The following TMEM123 variants were observed in gnomAD, a reference collection of about 807,000 sequenced individuals.
TMEM123 encodes the protein transmembrane protein 123.
TMEM123 carries 16 observed loss-of-function variants against 19.7 expected under a neutral mutation model. That is an observed-to-expected ratio of 0.81 (90% CI 0.55 to 1.23). The LOEUF (loss-of-function observed/expected upper bound fraction) is 1.23, where lower values mean the gene tolerates loss of function less well. Ranked by LOEUF, TMEM123 falls within the 50% of genes most tolerant of loss-of-function variation. TMEM123 has a pLI of 0.00. For synonymous variants in TMEM123, 118 were observed against 99.4 expected, an observed-to-expected ratio of 1.19 and a Z score of -1.12; for missense variants, 313 against 257.8, an observed-to-expected ratio of 1.21 and a Z score of -1.47.
intron 2 of TMEM123, among the ~76,000 whole-genome samples, chr11:102,408,874 T>C (rs999050682): frequency 1.3e-5 from 2 of 152,208 alleles, no homozygotes; most frequent in African/African-American, 4.8e-5. Flanking sequence ...ACAGCCACCA[T>C]ATTGCAACAA....
At position 102,452,536 on chromosome 11, in the gene TMEM123, C is replaced by T; in HGVS notation, c.88G>A (p.Ala30Thr). The stretch of plus-strand genomic sequence containing the variant: ...CGCAGCCACTTACCCGCCATGGCTG[C>T]GCTTTCATGGGCGGCCCCCAGCAGC... ...LALLGAAHES[A>T]AMAASANIEN... Residue 30 changes from alanine (A) to threonine (T), a missense_variant, in exon 1 of 5, where the codon GCA (alanine) becomes ACA (threonine). By Grantham distance (58) the Ala-to-Thr change is moderately conservative (BLOSUM62 0). Transcript: ENST00000398136. 6.4e-7 allele frequency: 1 copy of T among 1,555,206 alleles called. No homozygotes were observed. Among genetic ancestry groups the T allele is most frequent in the Non-Finnish European group, 8.7e-7 (1 of 1,154,640 alleles).
At chr11:102,437,304 C>T (rs1305784912) in intron 2 of TMEM123, among the ~76,000 whole-genome samples, 3 of 151,902 alleles carry the variant, frequency 2.0e-5, no homozygotes, top group Non-Finnish European at 4.4e-5. Flanking sequence ...CCTTAAAATA[C>T]AAAAATTAGC....
At chr11:102,451,665 CAG>C (rs1857941136) in intron 1 of TMEM123, among the ~76,000 whole-genome samples, 2 of 152,230 alleles carry the variant, frequency 1.3e-5, no homozygotes, top group Admixed American at 1.3e-4. Flanking sequence ...CAAAGGAAAA[CAG>C]TATTTACACA....
intron 2 of TMEM123, among the ~76,000 whole-genome samples, chr11:102,420,367 C>A (rs1591558720): frequency 1.3e-5 from 2 of 152,332 alleles, no homozygotes; most frequent in Middle Eastern, 3.4e-3. Context: ...AATGAGCTCA[C>A]AAAAGCTGAG....
chr11:102,407,712 C>A (rs765518828), intron 2 of TMEM123, among the ~76,000 whole-genome samples: 1 of 152,154 alleles, frequency 6.6e-6, no homozygotes, highest in East Asian at 1.9e-4. Context: ...CAGGGAATGC[C>A]ATGGATTGCC....
intron 2 of TMEM123, among the ~76,000 whole-genome samples, chr11:102,411,022 T>C (rs913267936): frequency 6.6e-6 from 1 of 152,178 alleles, no homozygotes; most frequent in Non-Finnish European, 1.5e-5. Flanking sequence ...CTAAAATCCC[T>C]TGGGATTTTC....
At chr11:102,412,261 G>A (rs1292178743) in intron 2 of TMEM123, among the ~76,000 whole-genome samples, 2 of 152,148 alleles carry the variant, frequency 1.3e-5, no homozygotes, top group Non-Finnish European at 2.9e-5. Flanking sequence ...GTGAAACCCT[G>A]TCTCTACTAA....
chr11:102,405,336 G>A (rs144033384), intron 2 of TMEM123, among the ~76,000 whole-genome samples: 7,570 of 152,240 alleles, frequency 0.05, 263 homozygotes, highest in Non-Finnish European at 0.077. Context: ...ACAGGTGTGA[G>A]CCACCGTGCC....
At chr11:102,446,923 T>C (rs2135866754) in intron 2 of TMEM123, among the ~76,000 whole-genome samples, 1 of 152,234 alleles carries the variant, frequency 6.6e-6, no homozygotes, top group South Asian at 2.1e-4. Context: ...TAGCACCAAA[T>C]AAATTGGTAA....
intron 2 of TMEM123, among the ~76,000 whole-genome samples, chr11:102,418,316 T>C (rs1484912479): frequency 1.3e-5 from 2 of 152,082 alleles, no homozygotes; most frequent in African/African-American, 4.8e-5. Flanking sequence ...CTAGAATCTA[T>C]AAGAAACTTA....
At chr11:102,412,841 A>G (rs1251381855) in intron 2 of TMEM123, among the ~76,000 whole-genome samples, 1 of 152,232 alleles carries the variant, frequency 6.6e-6, no homozygotes, top group Middle Eastern at 3.2e-3. Context: ...CAAGAAATTC[A>G]TAAGGAAATG....
At position 102,399,411 on chromosome 11, in the gene TMEM123, C is replaced by G. The variant is rs11225241; in HGVS notation, c.603-520G>C. Among the ~76,000 whole-genome samples the G allele has an allele frequency of 3.3e-3, 497 of 152,328 alleles. 1 individual carries two copies. The highest frequency in any genetic ancestry group is 0.01 in the Middle Eastern group (3 of 294). ...AGTGACCCGTGATCGCACCACTGCA[C>G]TCCAACCTGGGTGACAGAGCCACTG... On this transcript the variant is annotated intron_variant, in intron 4 of 4. Coordinates refer to ENST00000398136, the MANE Select transcript of TMEM123 (RefSeq NM_052932.3).
rs1951869050 is a variant in TMEM123, at chr11:102,397,658, T to A, written c.*1209A>T. 1 of 152,144 alleles carries A rather than the reference T, an allele frequency of 6.6e-6. No homozygotes were observed. The highest frequency in any genetic ancestry group is 2.4e-5 in the African/African-American group (1 of 41,440). The allele number at this position is 152,144 out of a possible 1,614,324, so 9.4% of individuals were successfully genotyped here. A position where few individuals can be genotyped will look rare whatever the true frequency, so the allele number is the denominator to read the frequency against. On this transcript the variant is annotated 3_prime_UTR_variant, in exon 5 of 5. Coordinates refer to ENST00000398136, the MANE Select transcript of TMEM123 (RefSeq NM_052932.3). ...AAGGAGGAAATGTCCTCTCTAAAAA[T>A]TCCTCTCAAAACTTTCTAAGAATTT... is the stretch of plus-strand genomic sequence containing the variant.
intron 1 of TMEM123, 136 bp from the exon 2 acceptor site, chr11:102,449,004 GC>G: frequency 1.2e-6 from 1 of 822,254 alleles, no homozygotes; most frequent in Non-Finnish European, 2.0e-6. Context: ...TTCTACTTTG[GC>G]CCCTGTTGTT....
At chr11:102,409,707 C>G (rs895899896) in intron 2 of TMEM123, among the ~76,000 whole-genome samples, 17 of 151,940 alleles carry the variant, frequency 1.1e-4, no homozygotes, top group Non-Finnish European at 1.2e-4. Flanking sequence ...AACCTTGTCT[C>G]TACTCAAAAT....
At chr11:102,442,998 A>C (rs1232024056) in intron 2 of TMEM123, among the ~76,000 whole-genome samples, 1 of 152,262 alleles carries the variant, frequency 6.6e-6, no homozygotes, top group African/African-American at 2.4e-5. Flanking sequence ...AGGCATGTGA[A>C]GGAACTGTTC....
At position 102,448,956 on chromosome 11, in the gene TMEM123, G is replaced by A. The variant is rs947058782; in HGVS notation, c.101-88C>T. 8.4e-6 allele frequency: 11 copies of A among 1,304,586 alleles called. No homozygotes were observed. In the African/African-American group the frequency reaches 1.2e-4, roughly 14 times the overall value. 80.8% of individuals were successfully genotyped at this position (1,304,586 alleles called of 1,614,324 possible). On this transcript the variant is annotated intron_variant, in intron 1 of 4. Coordinates refer to ENST00000398136, the MANE Select transcript of TMEM123 (RefSeq NM_052932.3). ...TGGTTTTCTGCCTAGCGGGAGTAGG[G>A]GTAGTGGTGTCAGGAGGGTAGATTA...
intron 2 of TMEM123, among the ~76,000 whole-genome samples, chr11:102,446,539 G>C (rs545242242): frequency 9.9e-4 from 151 of 152,306 alleles, no homozygotes; most frequent in African/African-American, 3.5e-3. Flanking sequence ...GTATATATTA[G>C]TGTTTTGATA....
chr11:102,436,888 G>C lies in TMEM123; in HGVS notation c.157+11924C>G, dbSNP rs79174310. 1.1e-3 allele frequency among the ~76,000 whole-genome samples: 171 copies of C among 152,322 alleles called. 2 individuals carry two copies. In the East Asian group the frequency reaches 0.02, roughly 18 times the overall value. ...ATTCTCCTATTCACACTAGAATTTA[G>C]ACTGAACCCACTGTGAGCCAGATGG... On this transcript the variant is annotated intron_variant, in intron 2 of 4. Coordinates refer to ENST00000398136, the MANE Select transcript of TMEM123 (RefSeq NM_052932.3).
Sources: gnomAD v4.1 joint callset for allele counts (sites outside exome capture counted in the v4.1 genomes callset) on GRCh38, gnomAD v4.1.1 for gene constraint, MANE v1.5 for transcripts, NCBI Gene and HGNC (gene_info 2026-07-23, HGNC 2026-07-21) for gene names.